KHDRBS2: variants seen among roughly 807,000 people sequenced by gnomAD.
KHDRBS2 encodes KH domain-containing, RNA-binding, signal transduction-associated protein 2.
In KHDRBS2, 26 loss-of-function variants were observed where a neutral mutation model predicts 44.3. The observed-to-expected ratio is 0.59, with a 90% CI of 0.43 to 0.81. The LOEUF (loss-of-function observed/expected upper bound fraction) is 0.81. Ranked by LOEUF, KHDRBS2 falls within the 40% of genes least tolerant of loss-of-function variation. The pLI, the probability that KHDRBS2 is intolerant of heterozygous loss-of-function variation, is 0.00. For missense variants in KHDRBS2, 476 were observed against 433.1 expected (o/e 1.10, Z -0.88); for synonymous variants, 194 against 151.1 (o/e 1.28, Z -2.08).
intron 3 of KHDRBS2, among the ~76,000 whole-genome samples, chr6:61,984,712 C>G (rs1185714976): frequency 6.6e-6 from 1 of 152,184 alleles, no homozygotes; most frequent in Non-Finnish European, 1.5e-5. Context: ...CTACTCAGTA[C>G]TGAGCAACTG....
intron 1 of KHDRBS2, among the ~76,000 whole-genome samples, chr6:62,214,232 T>C (rs554167180): frequency 2.4e-4 from 37 of 152,270 alleles, no homozygotes; most frequent in African/African-American, 8.4e-4. Flanking sequence ...CCTTTACTTT[T>C]TCAACCACAG....
chr6:61,939,084 A>C (rs1811608383), intron 4 of KHDRBS2, among the ~76,000 whole-genome samples: 1 of 151,996 alleles, frequency 6.6e-6, no homozygotes, highest in Non-Finnish European at 1.5e-5. Flanking sequence ...GAGGTAAAAG[A>C]TGCTGCTAAC....
intron 1 of KHDRBS2, among the ~76,000 whole-genome samples, chr6:62,179,450 A>T (rs1425958073): frequency 5.9e-5 from 9 of 151,730 alleles, no homozygotes; most frequent in Non-Finnish European, 1.3e-4. Flanking sequence ...CATCCCTTAT[A>T]TAATTAATAC....
At chr6:61,690,269 T>C (rs1767252421) in intron 8 of KHDRBS2, among the ~76,000 whole-genome samples, 1 of 151,950 alleles carries the variant, frequency 6.6e-6, no homozygotes, top group African/African-American at 2.4e-5. Flanking sequence ...TTCTGTACTT[T>C]GTGCTTTATA....
chr6:62,152,490 G>A (rs1368055827), intron 2 of KHDRBS2, among the ~76,000 whole-genome samples: 4 of 152,096 alleles, frequency 2.6e-5, no homozygotes, highest in Admixed American at 6.6e-5. Flanking sequence ...TTTAGAGAAG[G>A]CATTGTTTTA....
At chr6:62,108,616 T>A (rs1249686348) in intron 2 of KHDRBS2, among the ~76,000 whole-genome samples, 1 of 152,174 alleles carries the variant, frequency 6.6e-6, no homozygotes, top group African/African-American at 2.4e-5. Flanking sequence ...CAAAGGACTA[T>A]AAATCATGTT....
intron 1 of KHDRBS2, among the ~76,000 whole-genome samples, chr6:62,284,912 A>C (rs1351597526): frequency 6.6e-6 from 1 of 152,196 alleles, no homozygotes; most frequent in Non-Finnish European, 1.5e-5. Flanking sequence ...ATGTAAGTCC[A>C]TAACAAACTT....
intron 6 of KHDRBS2, among the ~76,000 whole-genome samples, chr6:61,803,580 CT>C (rs1295849836): frequency 3.3e-5 from 5 of 152,108 alleles, no homozygotes; most frequent in Non-Finnish European, 7.4e-5. Flanking sequence ...TTGGTCCATT[CT>C]CACGCCCTGG....
chr6:61,543,379 A>C, the KHDRBS2 span, among the ~76,000 whole-genome samples: 1 of 152,124 alleles, frequency 6.6e-6, no homozygotes, highest in Admixed American at 6.6e-5. Context: ...AATGATCATT[A>C]GAAAAATGCA....
chr6:61,717,908 G>A lies in KHDRBS2; in HGVS notation c.893+14774C>T, dbSNP rs534366635. The stretch of plus-strand genomic sequence containing the variant: ...CATAACAGACGTCTGAATTGATTTA[G>A]GTTTTCAGGTAGTAGTATCTGTTGG... On this transcript the variant is annotated intron_variant, in intron 7 of 8. Coordinates refer to ENST00000281156, the MANE Select transcript of KHDRBS2 (RefSeq NM_152688.4). 9.5e-4 allele frequency among the ~76,000 whole-genome samples: 145 copies of A among 152,072 alleles called. No homozygotes were observed. In the Middle Eastern group the frequency reaches 0.017, roughly 18 times the overall value.
At chr6:61,546,392 A>G in the KHDRBS2 span, among the ~76,000 whole-genome samples, 12 of 152,232 alleles carry the variant, frequency 7.9e-5, no homozygotes, top group Admixed American at 5.9e-4. Context: ...ACCTGAGATT[A>G]TGTCCAGTAA....
At chr6:62,198,747 A>T (rs573248) in intron 1 of KHDRBS2, among the ~76,000 whole-genome samples, 26,266 of 152,088 alleles carry the variant, frequency 0.17, 2,543 homozygotes, top group African/African-American at 0.26. Context: ...GAGGCCAGCA[A>T]CATCCTGATA....
At chr6:61,912,570 T>C (rs1447797319) in intron 4 of KHDRBS2, among the ~76,000 whole-genome samples, 7 of 152,190 alleles carry the variant, frequency 4.6e-5, no homozygotes, top group African/African-American at 9.6e-5. Flanking sequence ...CTGGGTTCTT[T>C]GCTCTAGTGG....
intron 1 of KHDRBS2, among the ~76,000 whole-genome samples, chr6:62,260,562 C>G (rs2150181361): frequency 6.6e-6 from 1 of 152,032 alleles, no homozygotes; most frequent in Non-Finnish European, 1.5e-5. Context: ...AGATACAGAT[C>G]TGATCTCTAT....
At chr6:61,626,927 AGT>A in the KHDRBS2 span, among the ~76,000 whole-genome samples, 1 of 151,896 alleles carries the variant, frequency 6.6e-6, no homozygotes, top group Non-Finnish European at 1.5e-5. Flanking sequence ...AAGAGCTAAG[AGT>A]TACCTCAAAT....
At chr6:61,552,195 A>G in the KHDRBS2 span, among the ~76,000 whole-genome samples, 1 of 152,126 alleles carries the variant, frequency 6.6e-6, no homozygotes, top group South Asian at 2.1e-4. Context: ...TTCTTTGAGT[A>G]GTGTTTTGTA....
At chr6:62,067,400 T>C (rs1484278838) in intron 2 of KHDRBS2, among the ~76,000 whole-genome samples, 6 of 151,578 alleles carry the variant, frequency 4.0e-5, no homozygotes, top group Admixed American at 2.0e-4. Context: ...AGTAAGACAA[T>C]AGGCTCTGTC....
chr6:61,784,088 C>A (rs1783429333), intron 6 of KHDRBS2, among the ~76,000 whole-genome samples: 2 of 151,782 alleles, frequency 1.3e-5, no homozygotes, highest in South Asian at 4.2e-4. Flanking sequence ...GTATAGGCTT[C>A]CCAGCTAGAA....
chr6:61,878,973 T>C (rs751234328), intron 6 of KHDRBS2, among the ~76,000 whole-genome samples: 1 of 151,998 alleles, frequency 6.6e-6, no homozygotes, highest in African/African-American at 2.4e-5. Flanking sequence ...ATAATTTTCA[T>C]TATTCCCATT....
Sources: gnomAD v4.1 joint callset for allele counts (sites outside exome capture counted in the v4.1 genomes callset) on GRCh38, gnomAD v4.1.1 for gene constraint, MANE v1.5 for transcripts, NCBI Gene and HGNC (gene_info 2026-07-23, HGNC 2026-07-21) for gene names.